PEAK3: variants seen among roughly 807,000 people sequenced by gnomAD.
The protein encoded by PEAK3 is PEAK family member 3.
PEAK3 carries 15 observed loss-of-function variants against 13.3 expected under a neutral mutation model. The ratio of observed to expected loss-of-function variants is 1.13; its 90% CI spans 0.75 to 1.73. The LOEUF is 1.73. PEAK3 is among the 40% of genes most tolerant of loss of function. The probability of loss-of-function intolerance (pLI) is 0.00; values close to 1 mark genes in which losing one functional copy is unlikely to be tolerated. For missense variants in PEAK3, 739 were observed against 690.2 expected, an observed-to-expected ratio of 1.07 and a Z score of -0.79; for synonymous variants, 347 against 341.9, an observed-to-expected ratio of 1.01 and a Z score of -0.17.
chr19:2,278,309 C>T (rs1423834124), intron 3 of PEAK3, among the ~76,000 whole-genome samples: 4 of 151,118 alleles, frequency 2.6e-5, no homozygotes, highest in Admixed American at 6.6e-5. Flanking sequence ...GGTTTACAGG[C>T]GCCCGCCACC....
At position 2,276,339 on chromosome 19, in the gene PEAK3, C is replaced by T; in HGVS notation, c.763G>A (p.Ala255Thr). Residue 255 changes from alanine to threonine, a missense_variant, in exon 4 of 4, where the codon GCC becomes ACC. Physicochemically the swap from Ala to Thr is moderately conservative, Grantham distance 58 (BLOSUM62 0). Coordinates refer to ENST00000342063, the MANE Select transcript of PEAK3 (RefSeq NM_198532.3). ...APWRGAVALAAEVPERTVAQW... is the reference protein window; with the variant it reads ...APWRGAVALATEVPERTVAQW... Reference sequence around the variant, plus strand: ...GCCACCGTGCGCTCTGGAACCTCGGCTGCCAGCGCCACTGCGCCTCTCCAG... The same window carrying T: ...GCCACCGTGCGCTCTGGAACCTCGGTTGCCAGCGCCACTGCGCCTCTCCAG... The T allele has an allele frequency of 6.3e-7, 1 of 1,599,250 alleles. No homozygotes were observed. The highest frequency in any genetic ancestry group is 8.5e-7 in the Non-Finnish European group (1 of 1,178,922).
intron 2 of PEAK3, 139 bp from the exon 3 acceptor site, chr19:2,279,252 C>T (rs1317965337): frequency 4.4e-6 from 3 of 684,460 alleles, no homozygotes; most frequent in Non-Finnish European, 4.3e-6. Context: ...TGCTTGTAAT[C>T]CCAGCACTTA....
rs529553284 is a variant in PEAK3 at position 2,277,887 on chromosome 19, G to A, written c.612+697C>T. 7.6e-3 allele frequency among the ~76,000 whole-genome samples: 1,028 copies of A among 135,314 alleles called. 9 individuals are homozygous for A. The highest frequency in any genetic ancestry group is 0.028 in the Middle Eastern group (6 of 218). 88.8% of individuals were successfully genotyped at this position (135,314 alleles called of 152,430 possible). On this transcript the variant is annotated intron_variant, in intron 3 of 3. Coordinates refer to ENST00000342063, the MANE Select transcript of PEAK3 (RefSeq NM_198532.3). ...CCAGCCTTTTTTTTTTTTTTTAGAC[G>A]GAGTCTCGCTCTGTCGCCCAGGCTG...
In PEAK3 at chr19:2,278,628, C is replaced by T. The variant is rs1389918895; in HGVS notation, c.568G>A (p.Val190Met). 3.3e-6 allele frequency: 5 copies of T among 1,498,550 alleles called. No homozygotes were observed. Among genetic ancestry groups the T allele is most frequent in the African/African-American group, 1.4e-5 (1 of 71,204 alleles). 92.8% of individuals were successfully genotyped at this position (1,498,550 alleles called of 1,614,324 possible). Reference sequence around the variant, plus strand: ...CAGGCGTCCTCGTGCGCGCGCACCACGCGGTAATACAGGGCGTCCCCGCTC... The same window carrying T: ...CAGGCGTCCTCGTGCGCGCGCACCATGCGGTAATACAGGGCGTCCCCGCTC... ...AESGDALYYR[V>M]VRAHEDAWHI... Residue 190 changes from valine (V) to methionine (M), a missense_variant, in exon 3 of 4, where the codon GTG (valine) becomes ATG (methionine). Transcript: ENST00000342063.
In PEAK3 at chr19:2,275,533, AGGCTCTGGAGTGGG is replaced by A; in HGVS notation, c.*133_*146del. The A allele has an allele frequency of 1.5e-6, 1 of 664,812 alleles. No individual in the cohort carries two copies. The highest frequency in any genetic ancestry group is 3.5e-5 in the East Asian group (1 of 28,760). The allele number at this position is 664,812 out of a possible 1,614,324, so 41.2% of individuals were successfully genotyped here. A position where few individuals can be genotyped will look rare whatever the true frequency, so the allele number is the denominator to read the frequency against. Reference sequence around the variant, plus strand: ...ACCCACATCCCCAGCACGGGAGGGGAGGCTCTGGAGTGGGGCATTGCTCTCTCTGCTGCGCTCCT... The same window carrying A: ...ACCCACATCCCCAGCACGGGAGGGGAGCATTGCTCTCTCTGCTGCGCTCCT... On this transcript the variant is annotated 3_prime_UTR_variant, in exon 4 of 4. Transcript: ENST00000342063.
Position 2,275,986 on chromosome 19 carries a change from C to T in PEAK3, c.1116G>A (p.Ala372=), listed in dbSNP as rs1364885749. The change falls in exon 4 of 4, where the codon GCG becomes GCA. Residue 372 remains alanine (A), a synonymous_variant. Transcript: ENST00000342063. ...GCTGTGCTGCCAGGAGCTCCAGGCC[C>T]GCGGCCAAAGGCGTGGTCGAGGGCG... The part of the protein sequence containing the change: ...LAAPSTTPLA[A]GLELLAAQLT... 2.1e-6 allele frequency: 3 copies of T among 1,415,362 alleles called. No individual in the cohort carries two copies. Among genetic ancestry groups the T allele is most frequent in the African/African-American group, 1.5e-5 (1 of 65,862 alleles). 87.7% of individuals were successfully genotyped at this position (1,415,362 alleles called of 1,614,324 possible).
chr19:2,278,750 A>C lies in PEAK3; in HGVS notation c.446T>G (p.Ile149Ser). Residue 149 changes from isoleucine to serine, a missense_variant, in exon 3 of 4, where the codon ATC (isoleucine) becomes AGC (serine). Transcript: ENST00000342063. ...GAGCCGGGCACGGAGCCGGGCATAG[A>C]TGGTACGGAGGCCCTGCAGCTGCCG... The part of the protein sequence containing the change: ...AARQLQGLRT[I>S]YARLRARLMG... 6.5e-7 allele frequency: 1 copy of C among 1,549,644 alleles called. No homozygotes were observed. The highest frequency in any genetic ancestry group is 8.7e-7 in the Non-Finnish European group (1 of 1,144,530).
rs970236406 is a variant in PEAK3, at chr19:2,275,387, G to A, written c.*293C>T. The A allele has an allele frequency of 3.3e-5, 10 of 299,940 alleles. No homozygotes were observed. The highest frequency in any genetic ancestry group is 5.1e-5 in the Admixed American group (1 of 19,578). 18.6% of individuals were successfully genotyped at this position (299,940 alleles called of 1,614,324 possible). A position where few individuals can be genotyped will look rare whatever the true frequency, so the allele number is the denominator to read the frequency against. On this transcript the variant is annotated 3_prime_UTR_variant, in exon 4 of 4. Coordinates refer to ENST00000342063, the MANE Select transcript of PEAK3 (RefSeq NM_198532.3). ...AGAACACAGAGAGACATTGATCAGC[G>A]GGGTTGTCCACACCTGGAAGTGGCG...
chr19:2,280,892 C>CG lies in PEAK3; in HGVS notation c.39dup (p.Asp14ArgfsTer12), dbSNP rs756444829. On this transcript the variant is annotated frameshift_variant, in exon 2 of 4. Coordinates refer to ENST00000342063, the MANE Select transcript of PEAK3 (RefSeq NM_198532.3). LOFTEE classifies it high-confidence loss of function. ...GGCTGAGTCGACCAGGTGGGGTTGT[C>CG]GGGCTCGGGGGGCTCTGTGGGGGGC... is the stretch of plus-strand genomic sequence containing the variant. The CG allele has an allele frequency of 1.9e-6, 3 of 1,597,034 alleles. No individual in the cohort carries two copies. The Admixed American group carries it at 5.2e-5, about 28-fold the overall frequency.
Position 2,276,146 on chromosome 19 carries a change from G to T in PEAK3, c.956C>A (p.Ala319Glu). The part of the protein sequence containing the change: ...NLLLVAPRGC[A>E]TTGPPRLLLT... Reference sequence around the variant, plus strand: ...GAGCAGGCGTGGGGGCCCCGTCGTCGCACAGCCCCGAGGTGCCACCAGCAG... The same window carrying T: ...GAGCAGGCGTGGGGGCCCCGTCGTCTCACAGCCCCGAGGTGCCACCAGCAG... Residue 319 changes from alanine (A) to glutamate (E), a missense_variant, in exon 4 of 4, where the codon GCG becomes GAG. Physicochemically the swap from Ala to Glu is moderately radical, Grantham distance 107. Transcript: ENST00000342063. 1 of 1,542,694 alleles carries T rather than the reference G, an allele frequency of 6.5e-7. No individual in the cohort carries two copies.
Position 2,276,404 on chromosome 19 carries a change from A to G in PEAK3, c.698T>C (p.Leu233Pro). 1 of 1,599,020 alleles carries G rather than the reference A, an allele frequency of 6.3e-7. No individual in the cohort carries two copies. The highest frequency in any genetic ancestry group is 8.5e-7 in the Non-Finnish European group (1 of 1,177,976). Residue 233 changes from leucine (L) to proline (P), a missense_variant, in exon 4 of 4, where the codon CTG (leucine) becomes CCG (proline). Transcript: ENST00000342063. Reference sequence around the variant, plus strand: ...TGTGCCTTCAGGCACCAGGCCACACAGCCCCTGCAGATTGAAGTGTGGAGA... The same window carrying G: ...TGTGCCTTCAGGCACCAGGCCACACGGCCCCTGCAGATTGAAGTGTGGAGA... ...SLSPHFNLQG[L>P]CGLVPEGTLP...
chr19:2,279,635 G>A (rs144669115), intron 2 of PEAK3, among the ~76,000 whole-genome samples: 7 of 151,428 alleles, frequency 4.6e-5, no homozygotes, highest in African/African-American at 1.5e-4. Flanking sequence ...CAGCCTGGGC[G>A]GCAGAGCTTA....
chr19:2,278,678 A>G lies in PEAK3; in HGVS notation c.518T>C (p.Leu173Pro), dbSNP rs891123267. 7 of 1,524,206 alleles carry G rather than the reference A, an allele frequency of 4.6e-6. No individual in the cohort carries two copies. The highest frequency in any genetic ancestry group is 6.2e-6 in the Non-Finnish European group (7 of 1,135,824). 94.4% of individuals were successfully genotyped at this position (1,524,206 alleles called of 1,614,324 possible). A position where few individuals can be genotyped will look rare whatever the true frequency, so the allele number is the denominator to read the frequency against. Residue 173 changes from leucine to proline, a missense_variant, in exon 3 of 4, where the codon CTC (leucine) becomes CCC (proline). Coordinates refer to ENST00000342063, the MANE Select transcript of PEAK3 (RefSeq NM_198532.3). The part of the protein sequence containing the change: ...GPCHPGHSFR[L>P]LDSSPCAESG... ...CTCTGCGCAGGGTGAGCTGTCTAGG[A>G]GGCGGAAGCTGTGGCCGGGGTGGCA...
chr19:2,280,182 C>G (rs1224163012), intron 2 of PEAK3, among the ~76,000 whole-genome samples: 1 of 151,472 alleles, frequency 6.6e-6, no homozygotes, highest in African/African-American at 2.4e-5. Flanking sequence ...CCTGCCTCAG[C>G]CTCCCGAGTA....
chr19:2,280,698 C>T (rs574385860), intron 2 of PEAK3, 152 bp downstream of exon 2: 30 of 647,216 alleles, frequency 4.6e-5, no homozygotes, highest in African/African-American at 1.3e-4. Context: ...CGGGCCTTCC[C>T]GGAGGTCACT....
intron 3 of PEAK3, among the ~76,000 whole-genome samples, chr19:2,277,986 C>T (rs2025405588): frequency 6.8e-6 from 1 of 147,736 alleles, no homozygotes; most frequent in South Asian, 2.1e-4. Context: ...GCTTCAGCCT[C>T]CCAAATAGCT....
rs1481859689 is a variant in PEAK3, at chr19:2,278,757, G to A, written c.439C>T (p.Arg147Cys). Residue 147 changes from arginine to cysteine, a missense_variant, in exon 3 of 4, where the codon CGT becomes TGT. Coordinates refer to ENST00000342063, the MANE Select transcript of PEAK3 (RefSeq NM_198532.3). ...ALAARQLQGL[R>C]TIYARLRARL... Reference sequence around the variant, plus strand: ...GCACGGAGCCGGGCATAGATGGTACGGAGGCCCTGCAGCTGCCGCGCAGCC... The same window carrying A: ...GCACGGAGCCGGGCATAGATGGTACAGAGGCCCTGCAGCTGCCGCGCAGCC... 6.4e-6 allele frequency: 10 copies of A among 1,555,492 alleles called. 1 individual carries two copies. The highest frequency in any genetic ancestry group is 2.4e-5 in the East Asian group (1 of 42,132).
Position 2,276,493 on chromosome 19 carries a change from C to A in PEAK3, c.613-4G>T. ...CGTCCGCCCCGGGCTTGGGCACCTG[C>A]AAGGCAGAGGGGGTGTCGGGGCCTG... On this transcript the variant is annotated splice_polypyrimidine_tract_variant and splice_region_variant and intron_variant, in intron 3 of 3. Coordinates refer to ENST00000342063, the MANE Select transcript of PEAK3 (RefSeq NM_198532.3). 1 of 1,519,038 alleles carries A rather than the reference C, an allele frequency of 6.6e-7. No individual in the cohort carries two copies. Among genetic ancestry groups the A allele is most frequent in the Non-Finnish European group, 8.8e-7 (1 of 1,140,684 alleles). The allele number at this position is 1,519,038 out of a possible 1,614,324, so 94.1% of individuals were successfully genotyped here.
chr19:2,277,070 A>T (rs2025397230), intron 3 of PEAK3, among the ~76,000 whole-genome samples: 1 of 152,114 alleles, frequency 6.6e-6, no homozygotes, highest in Non-Finnish European at 1.5e-5. Context: ...GAGGTGTGGG[A>T]GGGGTTTTGA....
Sources: gnomAD v4.1 joint callset for allele counts (sites outside exome capture counted in the v4.1 genomes callset) on GRCh38, gnomAD v4.1.1 for gene constraint, MANE v1.5 for transcripts, NCBI Gene and HGNC (gene_info 2026-07-23, HGNC 2026-07-21) for gene names.